NEGR1: variants seen among roughly 807,000 people sequenced by gnomAD.
The protein encoded by NEGR1 is IgLON family member 4.
NEGR1 carries 10 observed loss-of-function variants against 40.9 expected under a neutral mutation model. The observed-to-expected ratio is 0.24, with a 90% CI of 0.15 to 0.42. The LOEUF (loss-of-function observed/expected upper bound fraction) is 0.42, where lower values mean the gene tolerates loss of function less well. Ranked by LOEUF, NEGR1 falls within the 10% of genes least tolerant of loss-of-function variation. NEGR1 has a pLI of 1.00. For synonymous variants in NEGR1, 185 were observed against 166.8 expected (o/e 1.11, Z -0.84); for missense variants, 352 against 438.9 (o/e 0.80, Z 1.77).
At chr1:72,135,601 A>G (rs575775587) in intron 1 of NEGR1, among the ~76,000 whole-genome samples, 1 of 152,128 alleles carries the variant, frequency 6.6e-6, no homozygotes, top group Admixed American at 6.5e-5. Context: ...AGCTCAGCAA[A>G]CTTCCTTTAT....
chr1:71,637,760 A>C (rs959605313), intron 4 of NEGR1, among the ~76,000 whole-genome samples: 1 of 151,964 alleles, frequency 6.6e-6, no homozygotes, highest in African/African-American at 2.4e-5. Context: ...GAGGGAGACA[A>C]AGAAGCATCA....
At chr1:71,595,549 A>G (rs1419769268) in intron 5 of NEGR1, among the ~76,000 whole-genome samples, 1 of 152,172 alleles carries the variant, frequency 6.6e-6, no homozygotes, top group Non-Finnish European at 1.5e-5. Context: ...GTTCTGGGGT[A>G]TGAAGACGGG....
intron 2 of NEGR1, among the ~76,000 whole-genome samples, chr1:71,779,142 T>C (rs1461826933): frequency 2.0e-5 from 3 of 152,190 alleles, no homozygotes; most frequent in Admixed American, 2.0e-4. Context: ...TGGAAGCAGA[T>C]GCCATGTGTA....
intron 2 of NEGR1, among the ~76,000 whole-genome samples, chr1:71,797,607 C>T (rs142626561): frequency 6.6e-6 from 1 of 152,236 alleles, no homozygotes; most frequent in African/African-American, 2.4e-5. Flanking sequence ...TAGAACACTA[C>T]CTGACATAAA....
intron 4 of NEGR1, among the ~76,000 whole-genome samples, chr1:71,671,440 A>T (rs370126175): frequency 1.3e-5 from 2 of 152,332 alleles, no homozygotes; most frequent in East Asian, 3.9e-4. Context: ...ATAAGGGGAA[A>T]TTGATAGAAA....
chr1:71,708,470 A>T (rs894472232), intron 3 of NEGR1, among the ~76,000 whole-genome samples: 1 of 152,122 alleles, frequency 6.6e-6, no homozygotes, highest in Admixed American at 6.5e-5. Context: ...CAAAATACCA[A>T]TAACATTCTT....
intron 1 of NEGR1, among the ~76,000 whole-genome samples, chr1:72,278,395 G>A (rs914899057): frequency 4.6e-5 from 7 of 152,058 alleles, no homozygotes; most frequent in Non-Finnish European, 7.4e-5. Flanking sequence ...AAAAATAACC[G>A]TGTTTTAAAA....
At chr1:71,486,336 T>C (rs535293440) in intron 6 of NEGR1, 1 of 151,712 alleles carries the variant, frequency 6.6e-6, no homozygotes, top group South Asian at 2.1e-4. Flanking sequence ...TTTACATGTT[T>C]TGGGTAACAT....
At chr1:71,618,455 TC>T (rs1024943794) in intron 4 of NEGR1, among the ~76,000 whole-genome samples, 5 of 152,058 alleles carry the variant, frequency 3.3e-5, no homozygotes, top group African/African-American at 9.7e-5. Context: ...ATTTCCAACA[TC>T]CTGTCTTTGT....
intron 1 of NEGR1, among the ~76,000 whole-genome samples, chr1:72,205,922 G>T (rs905364057): frequency 6.8e-6 from 1 of 147,824 alleles, no homozygotes; most frequent in Non-Finnish European, 1.5e-5. Flanking sequence ...CAGCTTGGGC[G>T]AAAGAGCAGG....
At chr1:71,685,059 A>G (rs1040528850) in intron 4 of NEGR1, among the ~76,000 whole-genome samples, 2 of 152,212 alleles carry the variant, frequency 1.3e-5, no homozygotes, top group Non-Finnish European at 2.9e-5. Flanking sequence ...ATACCAATGT[A>G]TTAAAGCACA....
chr1:72,107,309 T>C (rs1649174761), intron 1 of NEGR1, among the ~76,000 whole-genome samples: 1 of 151,650 alleles, frequency 6.6e-6, no homozygotes. Context: ...GTGGAGTCTA[T>C]CTAACTACTG....
chr1:71,689,535 A>T (rs1186256227), intron 4 of NEGR1, among the ~76,000 whole-genome samples: 1 of 152,112 alleles, frequency 6.6e-6, no homozygotes, highest in Admixed American at 6.6e-5. Flanking sequence ...AAATTTTATC[A>T]CCTAGTAAAT....
rs201862800 is a variant in NEGR1, at chr1:71,979,023, G to A, written c.177-43712C>T. Reference sequence around the variant, plus strand: ...TATACACTATAAAATACTAAACAGCGATAAAAAAAAAGAATGAAACCATGT... The same window carrying A: ...TATACACTATAAAATACTAAACAGCAATAAAAAAAAAGAATGAAACCATGT... On this transcript the variant is annotated intron_variant, in intron 1 of 6. Coordinates refer to ENST00000357731, the MANE Select transcript of NEGR1 (RefSeq NM_173808.3). 2.0e-4 allele frequency among the ~76,000 whole-genome samples: 30 copies of A among 151,692 alleles called. No individual in the cohort carries two copies. The East Asian group carries it at 4.9e-3, about 25-fold the overall frequency.
chr1:71,809,411 A>C (rs1032038649), intron 2 of NEGR1, among the ~76,000 whole-genome samples: 1 of 152,194 alleles, frequency 6.6e-6, no homozygotes, highest in African/African-American at 2.4e-5. Context: ...CAGTAAGCTA[A>C]GTTGCCATAA....
intron 6 of NEGR1, among the ~76,000 whole-genome samples, chr1:71,498,470 A>G (rs942749677): frequency 3.3e-5 from 5 of 152,108 alleles, no homozygotes; most frequent in African/African-American, 9.7e-5. Flanking sequence ...GAGGTGTAGC[A>G]ATATAAGTAA....
intron 3 of NEGR1, among the ~76,000 whole-genome samples, chr1:71,721,693 C>A (rs1451219616): frequency 6.6e-6 from 1 of 152,116 alleles, no homozygotes; most frequent in African/African-American, 2.4e-5. Context: ...CAACACTCAA[C>A]AATTTTGTAA....
At chr1:71,882,646 G>A (rs1207402833) in intron 2 of NEGR1, among the ~76,000 whole-genome samples, 2 of 149,192 alleles carry the variant, frequency 1.3e-5, no homozygotes, top group African/African-American at 4.9e-5. Context: ...CCTATCTTTA[G>A]TATCCCTGTT....
chr1:71,430,935 A>G (rs1182364292), intron 6 of NEGR1, among the ~76,000 whole-genome samples: 1 of 151,684 alleles, frequency 6.6e-6, no homozygotes, highest in East Asian at 2.0e-4. Flanking sequence ...AATTTTTTGT[A>G]TTTTTAGTAG....
Sources: allele counts gnomAD v4.1 joint callset (sites outside exome capture counted in the v4.1 genomes callset), GRCh38; gene constraint gnomAD v4.1.1; transcripts MANE v1.5; gene names NCBI Gene and HGNC (gene_info 2026-07-23, HGNC 2026-07-21).